ERC1: variants seen among roughly 807,000 people sequenced by gnomAD.
The protein encoded by ERC1 is ELKS/RAB6-interacting/CAST family member 1.
In ERC1, 56 loss-of-function variants were observed where a neutral mutation model predicts 132.0. The observed-to-expected ratio is 0.42, with a 90% confidence interval of 0.34 to 0.53. ERC1 has a LOEUF of 0.53. ERC1 is among the 20% of genes least tolerant of loss of function. ERC1 has a pLI of 0.03. For missense variants in ERC1, 1,202 were observed against 1,349.9 expected (o/e 0.89, Z 1.72); for synonymous variants, 478 against 476.1 (o/e 1.00, Z -0.05).
chr12:1,476,760 C>T (rs778381994), intron 18 of ERC1, among the ~76,000 whole-genome samples: 9 of 151,802 alleles, frequency 5.9e-5, no homozygotes, highest in African/African-American at 1.5e-4. Flanking sequence ...CCCTTTGACT[C>T]GGGAATTTTA....
chr12:1,104,395 C>T (rs1368591836), intron 3 of ERC1, among the ~76,000 whole-genome samples: 1 of 152,006 alleles, frequency 6.6e-6, no homozygotes, highest in Non-Finnish European at 1.5e-5. Flanking sequence ...ATTTCTAATC[C>T]CCATTTTGGA....
intron 18 of ERC1, among the ~76,000 whole-genome samples, chr12:1,480,400 G>A (rs572551994): frequency 7.2e-5 from 11 of 152,278 alleles, no homozygotes; most frequent in Non-Finnish European, 1.2e-4. Flanking sequence ...AGTGCTGCCC[G>A]TAATTATGGT....
intron 15 of ERC1, among the ~76,000 whole-genome samples, chr12:1,355,267 G>A: frequency 1.3e-5 from 2 of 152,130 alleles, no homozygotes; most frequent in South Asian, 2.1e-4. Flanking sequence ...TTCACAAAAT[G>A]TAATTATTAT....
intron 8 of ERC1, among the ~76,000 whole-genome samples, chr12:1,158,955 A>G (rs988046121): frequency 6.6e-6 from 1 of 152,212 alleles, no homozygotes; most frequent in African/African-American, 2.4e-5. Context: ...TTAAGTAAAC[A>G]TTTCAAATAT....
chr12:1,305,236 T>G (rs958681353), intron 15 of ERC1, among the ~76,000 whole-genome samples: 7 of 152,220 alleles, frequency 4.6e-5, no homozygotes, highest in South Asian at 2.1e-4. Context: ...CCAGTTTTTA[T>G]GTTAATTTCT....
chr12:1,208,957 ATTTTTTTTTTT>A (rs538961813), intron 12 of ERC1, among the ~76,000 whole-genome samples: 6 of 71,634 alleles, frequency 8.4e-5, no homozygotes, highest in East Asian at 4.5e-4. Flanking sequence ...CGCCCAGCTG[ATTTTTTTTTTT>A]TTTTTTTTTT....
At chr12:1,376,381 C>T (rs554643986) in intron 16 of ERC1, among the ~76,000 whole-genome samples, 232 of 147,166 alleles carry the variant, frequency 1.6e-3, no homozygotes, top group Non-Finnish European at 2.5e-3. Flanking sequence ...CCATCTCACT[C>T]GCCTTCGAGT....
chr12:1,263,633 AACCCT>A (rs1253068626), intron 14 of ERC1, among the ~76,000 whole-genome samples: 8 of 152,208 alleles, frequency 5.3e-5, no homozygotes, highest in Non-Finnish European at 8.8e-5. Context: ...GACTGGGCAC[AACCCT>A]GGCTTTTAAA....
chr12:1,370,641 T>G (rs1440371411), intron 15 of ERC1, among the ~76,000 whole-genome samples: 1 of 152,246 alleles, frequency 6.6e-6, no homozygotes, highest in African/African-American at 2.4e-5. Flanking sequence ...CAAATTCAAC[T>G]ACAACTATAG....
At chr12:1,192,193 G>A (rs1373090703) in intron 12 of ERC1, among the ~76,000 whole-genome samples, 1 of 152,138 alleles carries the variant, frequency 6.6e-6, no homozygotes, top group Non-Finnish European at 1.5e-5. Context: ...ACCCCATTTG[G>A]ACCCAATGTC....
intron 12 of ERC1, among the ~76,000 whole-genome samples, chr12:1,208,142 T>C (rs1957514115): frequency 1.3e-5 from 2 of 152,216 alleles, no homozygotes; most frequent in African/African-American, 4.8e-5. Context: ...AGAGATGAGA[T>C]GATTTACTTC....
At chr12:1,029,458 T>G (rs1967570789) in intron 2 of ERC1, among the ~76,000 whole-genome samples, 2 of 152,222 alleles carry the variant, frequency 1.3e-5, no homozygotes, top group African/African-American at 4.8e-5. Flanking sequence ...TTTGTAGCTT[T>G]TCGTTCTGTA....
chr12:1,435,713 A>G (rs2092928774), intron 17 of ERC1, among the ~76,000 whole-genome samples: 1 of 152,144 alleles, frequency 6.6e-6, no homozygotes, highest in African/African-American at 2.4e-5. Flanking sequence ...ATTCTTAAAC[A>G]CCAAATCACA....
intron 15 of ERC1, among the ~76,000 whole-genome samples, chr12:1,316,876 G>GT (rs1217331958): frequency 6.6e-6 from 1 of 152,078 alleles, no homozygotes; most frequent in Non-Finnish European, 1.5e-5. Flanking sequence ...AATGTGGCAC[G>GT]TGGCCAGGCA....
intron 2 of ERC1, among the ~76,000 whole-genome samples, chr12:1,066,532 T>C (rs1939221656): frequency 6.6e-6 from 1 of 152,168 alleles, no homozygotes; most frequent in South Asian, 2.1e-4. Flanking sequence ...ATGAGTTTGA[T>C]ACTTTGAAAA....
rs371018757 is a variant in ERC1 at position 1,415,507 on chromosome 12, TTTTGTCCATCTTA to T, written c.3024+7261_3024+7273del. ...ATCTCCTTCTCTTTTGGCATTTCCT[TTTTGTCCATCTTA>T]GTGGAGTTGTCAGTGTACTTATCAG... On this transcript the variant is annotated intron_variant, in intron 17 of 18. Coordinates refer to ENST00000360905, the MANE Select transcript of ERC1 (RefSeq NM_178040.4). Among the ~76,000 whole-genome samples the T allele has an allele frequency of 1.5e-3, 236 of 152,356 alleles. 2 individuals carry two copies. The highest frequency in any genetic ancestry group is 5.4e-3 in the African/African-American group (223 of 41,580).
At chr12:1,171,807 A>G (rs1379930888) in intron 8 of ERC1, among the ~76,000 whole-genome samples, 3 of 152,208 alleles carry the variant, frequency 2.0e-5, no homozygotes, top group East Asian at 1.9e-4. Flanking sequence ...TTGGGCCTCA[A>G]AGGCAGAGTA....
Position 1,028,091 on chromosome 12 carries a change from A to T in ERC1, c.188A>T (p.Asn63Ile). The T allele has an allele frequency of 6.2e-7, 1 of 1,614,196 alleles. No individual in the cohort carries two copies. Among genetic ancestry groups the T allele is most frequent in the Non-Finnish European group, 8.5e-7 (1 of 1,180,042 alleles). Residue 63 changes from asparagine (N) to isoleucine (I), a missense_variant, in exon 2 of 19, where the codon AAT becomes ATT. Asn to Ile is a moderately radical substitution (Grantham distance 149). Coordinates refer to ENST00000360905, the MANE Select transcript of ERC1 (RefSeq NM_178040.4). The stretch of plus-strand genomic sequence containing the variant: ...TCAATGGAAAATATACAATCTTTAA[A>T]TGCTGCCTATGCCACCTCTGGCCCT... ...TLSMENIQSL[N>I]AAYATSGPMY...
intron 18 of ERC1, among the ~76,000 whole-genome samples, chr12:1,458,879 A>G (rs939474864): frequency 1.3e-5 from 2 of 152,148 alleles, no homozygotes; most frequent in Non-Finnish European, 2.9e-5. Flanking sequence ...CTCACTTACT[A>G]CTCAAATGTT....
Sources: gnomAD v4.1 joint callset for allele counts (sites outside exome capture counted in the v4.1 genomes callset) on GRCh38, gnomAD v4.1.1 for gene constraint, MANE v1.5 for transcripts, NCBI Gene and HGNC (gene_info 2026-07-23, HGNC 2026-07-21) for gene names.